The following SCHIP1 variants were observed in gnomAD, a reference collection of about 807,000 sequenced individuals.
SCHIP1 encodes schwannomin interacting protein 1, also known as schwannomin-interacting protein 1.
Under a neutral mutation model 29.7 loss-of-function variants are expected in SCHIP1, and 8 were observed. The observed-to-expected ratio is 0.27, with a 90% CI of 0.16 to 0.49. The LOEUF is 0.49. Among genes scored for constraint, SCHIP1 ranks in the 20% least tolerant of loss-of-function variants. The pLI, the probability that SCHIP1 is intolerant of heterozygous loss-of-function variation, is 0.99. For synonymous variants in SCHIP1, 76 were observed against 94.9 expected (o/e 0.80, Z 1.16); for missense variants, 193 against 294.6 (o/e 0.66, Z 2.52).
At chr3:159,356,117 G>A in the SCHIP1 span, among the ~76,000 whole-genome samples, 1 of 152,008 alleles carries the variant, frequency 6.6e-6, no homozygotes, top group Non-Finnish European at 1.5e-5. Context: ...TAGATGACGA[G>A]TTAGTGGGTG....
chr3:159,500,692 G>A, the SCHIP1 span, among the ~76,000 whole-genome samples: 2 of 149,234 alleles, frequency 1.3e-5, no homozygotes, highest in Admixed American at 6.7e-5. Flanking sequence ...CCAGCCTGGC[G>A]AAAGAGCGAG....
chr3:159,669,138 C>A, the SCHIP1 span, among the ~76,000 whole-genome samples: 1 of 152,164 alleles, frequency 6.6e-6, no homozygotes, highest in African/African-American at 2.4e-5. Flanking sequence ...CATTCCATTT[C>A]TTTTTCTGGA....
At chr3:159,329,478 C>T in the SCHIP1 span, among the ~76,000 whole-genome samples, 1 of 152,112 alleles carries the variant, frequency 6.6e-6, no homozygotes, top group Non-Finnish European at 1.5e-5. Flanking sequence ...CCCTCAACCT[C>T]CCTCCTCTCC....
At chr3:159,634,919 TG>T in the SCHIP1 span, among the ~76,000 whole-genome samples, 2 of 152,254 alleles carry the variant, frequency 1.3e-5, no homozygotes, top group East Asian at 3.9e-4. Context: ...AAATCATGGG[TG>T]GCAAACAAAG....
the SCHIP1 span, among the ~76,000 whole-genome samples, chr3:159,394,926 C>T: frequency 2.0e-5 from 3 of 152,134 alleles, no homozygotes; most frequent in African/African-American, 7.2e-5. Context: ...TAGAATTCGG[C>T]TGTGAATCCG....
the SCHIP1 span, among the ~76,000 whole-genome samples, chr3:159,622,375 T>A: frequency 6.6e-6 from 1 of 152,172 alleles, no homozygotes; most frequent in Non-Finnish European, 1.5e-5. Context: ...ACAAATAGCA[T>A]CTGTAGGCAT....
chr3:159,804,765 GTGTT>G, the SCHIP1 span, among the ~76,000 whole-genome samples: 5 of 152,214 alleles, frequency 3.3e-5, no homozygotes, highest in South Asian at 1.0e-3. Flanking sequence ...GCTTCAGAAT[GTGTT>G]TGTTTCATTG....
the SCHIP1 span, among the ~76,000 whole-genome samples, chr3:159,583,859 T>A: frequency 6.6e-6 from 1 of 152,166 alleles, no homozygotes; most frequent in Non-Finnish European, 1.5e-5. Flanking sequence ...CATTTCTGTG[T>A]CCTCATCATT....
At chr3:159,336,201 T>C in the SCHIP1 span, among the ~76,000 whole-genome samples, 7 of 152,354 alleles carry the variant, frequency 4.6e-5, no homozygotes, top group Non-Finnish European at 1.0e-4. Context: ...GTTTGTTTTT[T>C]TCTTGTAAAT....
the SCHIP1 span, among the ~76,000 whole-genome samples, chr3:159,326,701 A>G: frequency 6.6e-6 from 1 of 152,168 alleles, no homozygotes; most frequent in Admixed American, 6.5e-5. Flanking sequence ...CCTAGTTATT[A>G]TCTTGATCAT....
chr3:159,369,390 T>C, the SCHIP1 span, among the ~76,000 whole-genome samples: 2 of 152,156 alleles, frequency 1.3e-5, no homozygotes, highest in Non-Finnish European at 2.9e-5. Flanking sequence ...TACTTCATTG[T>C]GGTATGTATT....
chr3:159,692,890 A>T, the SCHIP1 span, among the ~76,000 whole-genome samples: 513 of 152,342 alleles, frequency 3.4e-3, 4 homozygotes, highest in African/African-American at 0.012. Flanking sequence ...GACAAAAAAA[A>T]ATGTGGGACC....
chr3:159,706,983 A>G, the SCHIP1 span, among the ~76,000 whole-genome samples: 269 of 152,338 alleles, frequency 1.8e-3, 1 homozygote, highest in Non-Finnish European at 3.2e-3. Flanking sequence ...CTGGAGATGT[A>G]ATGGAACAAA....
chr3:159,693,118 C>T, the SCHIP1 span, among the ~76,000 whole-genome samples: 1 of 152,154 alleles, frequency 6.6e-6, no homozygotes, highest in East Asian at 1.9e-4. Flanking sequence ...TCTACTGACA[C>T]CAGCAAGGGT....
At chr3:159,487,223 G>A in the SCHIP1 span, among the ~76,000 whole-genome samples, 1 of 152,178 alleles carries the variant, frequency 6.6e-6, no homozygotes. Context: ...TATGGTGGTT[G>A]CTTTGTTGTG....
intron 2 of SCHIP1, among the ~76,000 whole-genome samples, chr3:159,879,594 C>T (rs1716230875): frequency 6.6e-6 from 1 of 152,164 alleles, no homozygotes; most frequent in Non-Finnish European, 1.5e-5. Context: ...TTGCTGCCTA[C>T]GAGAGATGGC....
the SCHIP1 span, among the ~76,000 whole-genome samples, chr3:159,585,021 C>T: frequency 4.6e-5 from 7 of 152,040 alleles, no homozygotes; most frequent in Admixed American, 4.6e-4. Flanking sequence ...TCAAATGTTA[C>T]CTTCTCAATG....
chr3:159,737,456 C>T, the SCHIP1 span, among the ~76,000 whole-genome samples: 2 of 152,286 alleles, frequency 1.3e-5, no homozygotes, highest in African/African-American at 4.8e-5. Context: ...AACAATAAAT[C>T]TCACTGTAGT....
chr3:159,420,045 C>T, the SCHIP1 span, among the ~76,000 whole-genome samples: 21 of 152,282 alleles, frequency 1.4e-4, no homozygotes, highest in Admixed American at 1.4e-3. Context: ...CCGTTAAGAG[C>T]TTAACAGGTG....
Sources: allele counts gnomAD v4.1 joint callset (sites outside exome capture counted in the v4.1 genomes callset), GRCh38; gene constraint gnomAD v4.1.1; transcripts MANE v1.5; gene names NCBI Gene and HGNC (gene_info 2026-07-23, HGNC 2026-07-21).